Variants in CCDC85A observed in about 807,000 individuals in gnomAD.
The protein encoded by CCDC85A is coiled-coil domain containing 85A.
In CCDC85A, 38 loss-of-function variants were observed where a neutral mutation model predicts 50.2. The observed-to-expected ratio is 0.76, with a 90% confidence interval of 0.58 to 0.99. The LOEUF is 0.99. Ranked by LOEUF, CCDC85A falls within the 50% of genes least tolerant of loss-of-function variation. CCDC85A has a pLI of 0.00. For missense variants in CCDC85A, 820 were observed against 742.0 expected, an observed-to-expected ratio of 1.11 and a Z score of -1.22; for synonymous variants, 366 against 301.4, an observed-to-expected ratio of 1.21 and a Z score of -2.22.
At chr2:56,195,100 TTGTCTC>T (rs1316724677) in intron 2 of CCDC85A, among the ~76,000 whole-genome samples, 7 of 152,202 alleles carry the variant, frequency 4.6e-5, no homozygotes, top group Non-Finnish European at 7.3e-5. Context: ...AAAGGAAACT[TTGTCTC>T]TGAAACTAAA....
chr2:56,275,201 C>T (rs1217783856), intron 2 of CCDC85A, among the ~76,000 whole-genome samples: 1 of 152,118 alleles, frequency 6.6e-6, no homozygotes, highest in Non-Finnish European at 1.5e-5. Context: ...AATATAAGCC[C>T]TCAGTCTTTA....
At chr2:56,319,100 A>C (rs560848789) in intron 2 of CCDC85A, among the ~76,000 whole-genome samples, 1 of 152,262 alleles carries the variant, frequency 6.6e-6, no homozygotes, top group Admixed American at 6.6e-5. Flanking sequence ...GGTGATATCA[A>C]AACTGTAGTT....
At chr2:56,298,055 A>G (rs1423376114) in intron 2 of CCDC85A, among the ~76,000 whole-genome samples, 1 of 152,194 alleles carries the variant, frequency 6.6e-6, no homozygotes, top group Non-Finnish European at 1.5e-5. Context: ...TGCCCCAGGC[A>G]TCAGAACCAT....
At chr2:56,208,712 C>T (rs1677055446) in intron 2 of CCDC85A, among the ~76,000 whole-genome samples, 1 of 152,056 alleles carries the variant, frequency 6.6e-6, no homozygotes, top group Admixed American at 6.6e-5. Context: ...CCTTTTCCTC[C>T]TCTAGGCTCA....
At chr2:56,345,471 G>A (rs1302668813) in intron 3 of CCDC85A, among the ~76,000 whole-genome samples, 1 of 152,154 alleles carries the variant, frequency 6.6e-6, no homozygotes, top group Non-Finnish European at 1.5e-5. Flanking sequence ...TATGCTGTTG[G>A]ACATATGCAA....
At chr2:56,252,522 A>G (rs1669808326) in intron 2 of CCDC85A, among the ~76,000 whole-genome samples, 1 of 151,998 alleles carries the variant, frequency 6.6e-6, no homozygotes, top group South Asian at 2.1e-4. Flanking sequence ...TTGCACTATG[A>G]TCAGGCTGCT....
chr2:56,366,334 T>G (rs1209570915), intron 3 of CCDC85A, among the ~76,000 whole-genome samples: 1 of 151,482 alleles, frequency 6.6e-6, no homozygotes, highest in East Asian at 1.9e-4. Flanking sequence ...AACTTCATAC[T>G]GTTTTCCATA....
At position 56,332,157 on chromosome 2, in the gene CCDC85A, G is replaced by A. The variant is rs747051320; in HGVS notation, c.1241-10722G>A. ...AACCAAAAGAGAACCTTATTAAGCA[G>A]ATTTCTAGCTGAGGGGCATTTAGAT... On this transcript the variant is annotated intron_variant, in intron 2 of 5. Transcript: ENST00000407595. Among the ~76,000 whole-genome samples the A allele has an allele frequency of 2.0e-4, 30 of 152,330 alleles. 1 individual carries two copies. In the Middle Eastern group the frequency reaches 0.027, roughly 138 times the overall value.
intron 2 of CCDC85A, among the ~76,000 whole-genome samples, chr2:56,276,813 G>T (rs1158330561): frequency 6.6e-6 from 1 of 152,168 alleles, no homozygotes; most frequent in African/African-American, 2.4e-5. Context: ...GTGTCATGGG[G>T]TTTATTGTAT....
intron 1 of CCDC85A, among the ~76,000 whole-genome samples, chr2:56,187,186 G>T (rs900331044): frequency 4.6e-5 from 7 of 151,696 alleles, no homozygotes; most frequent in Non-Finnish European, 8.8e-5. Context: ...TGGAAGAAAA[G>T]AAGTATTTTT....
chr2:56,336,291 G>A (rs569904021), intron 2 of CCDC85A, among the ~76,000 whole-genome samples: 1 of 152,072 alleles, frequency 6.6e-6, no homozygotes, highest in Non-Finnish European at 1.5e-5. Flanking sequence ...AGTAGCGGGA[G>A]TACAGGCATG....
At position 56,193,051 on chromosome 2, in the gene CCDC85A, C is replaced by T. The variant is rs1404978265; in HGVS notation, c.851C>T (p.Pro284Leu). 1.2e-6 allele frequency: 2 copies of T among 1,612,228 alleles called. No individual in the cohort carries two copies. Among genetic ancestry groups the T allele is most frequent in the Non-Finnish European group, 1.7e-6 (2 of 1,179,468 alleles). The change falls in exon 2 of 6, where the codon CCC becomes CTC. Residue 284 changes from proline to leucine, a missense_variant. Coordinates refer to ENST00000407595, the MANE Select transcript of CCDC85A (RefSeq NM_001080433.2). ...GGACCTAGCCCGGAGCACCACAAAC[C>T]CTTGTGCAAGGGCAGCCCCGAACAG... ...LKGPSPEHHK[P>L]LCKGSPEQQR...
chr2:56,364,803 C>T lies in CCDC85A; in HGVS notation c.1318-7541C>T, dbSNP rs911000251. 3.3e-5 allele frequency among the ~76,000 whole-genome samples: 5 copies of T among 152,260 alleles called. No homozygotes were observed. The South Asian group carries it at 8.3e-4, about 25-fold the overall frequency. ...TTGCCCTCTAATCCATCAATATTGT[C>T]CTTTTAATTTCTTCTGCTATTTTCC... On this transcript the variant is annotated intron_variant, in intron 3 of 5. Transcript: ENST00000407595.
chr2:56,208,011 G>A (rs927816248), intron 2 of CCDC85A, among the ~76,000 whole-genome samples: 5 of 152,184 alleles, frequency 3.3e-5, no homozygotes, highest in East Asian at 1.9e-4. Context: ...ATTCAAAAAC[G>A]GTGAGTTCAA....
chr2:56,220,568 T>G (rs1209233444), intron 2 of CCDC85A, among the ~76,000 whole-genome samples: 1 of 152,066 alleles, frequency 6.6e-6, no homozygotes, highest in African/African-American at 2.4e-5. Context: ...CCAGAAACTT[T>G]ATCACTCAGT....
chr2:56,223,723 GCTCA>G, intron 2 of CCDC85A, among the ~76,000 whole-genome samples: 1 of 152,156 alleles, frequency 6.6e-6, no homozygotes, highest in East Asian at 1.9e-4. Context: ...AGCGAAAAAT[GCTCA>G]CTATCTCTAT....
intron 2 of CCDC85A, among the ~76,000 whole-genome samples, chr2:56,329,528 G>C (rs950156120): frequency 6.6e-6 from 1 of 152,254 alleles, no homozygotes; most frequent in Middle Eastern, 3.4e-3. Flanking sequence ...TGCTAATTTA[G>C]ATTATCTAAA....
chr2:56,262,282 C>G (rs1370255682), intron 2 of CCDC85A, among the ~76,000 whole-genome samples: 3 of 150,834 alleles, frequency 2.0e-5, no homozygotes, highest in African/African-American at 7.3e-5. Flanking sequence ...TTCAAATTTT[C>G]TCATTGTTAT....
chr2:56,250,393 A>G (rs1050842544), intron 2 of CCDC85A, among the ~76,000 whole-genome samples: 1 of 152,192 alleles, frequency 6.6e-6, no homozygotes, highest in African/African-American at 2.4e-5. Flanking sequence ...TTGAAGTTAG[A>G]AAACAAAGTA....
Sources: allele counts gnomAD v4.1 joint callset (sites outside exome capture counted in the v4.1 genomes callset), GRCh38; gene constraint gnomAD v4.1.1; transcripts MANE v1.5; gene names NCBI Gene and HGNC (gene_info 2026-07-23, HGNC 2026-07-21).